GVQW3: variants seen among roughly 807,000 people sequenced by gnomAD.
GVQW3 encodes the protein protein GVQW3.
A neutral mutation model predicts 12.5 loss-of-function variants in GVQW3; 7 were observed. The ratio of observed to expected loss-of-function variants is 0.56; its 90% CI spans 0.32 to 1.05. GVQW3 has a LOEUF of 1.05. Ranked by LOEUF, GVQW3 falls within the 50% of genes least tolerant of loss-of-function variation. The pLI, the probability that GVQW3 is intolerant of heterozygous loss-of-function variation, is 0.04. For missense variants in GVQW3, 188 were observed against 190.8 expected, an observed-to-expected ratio of 0.99 and a Z score of 0.09; for synonymous variants, 71 against 67.2, an observed-to-expected ratio of 1.06 and a Z score of -0.28.
At chr11:76,414,241 A>G (rs1947100256) in exon 2 of GVQW3, 2 of 152,212 alleles carry the variant, frequency 1.3e-5, no homozygotes, top group Middle Eastern at 6.8e-3. Context: ...TTCTTCCTTT[A>G]AGATACCCTC....
rs1011305421 is a variant in GVQW3, at chr11:76,404,933, T to C, written c.*1175T>C. On this transcript the variant is annotated 3_prime_UTR_variant, in exon 2 of 2. Transcript: ENST00000529331. Reference sequence around the variant, plus strand: ...TCTATAGGTTGGGGACTTTAATGAGTGTAAATAGCTACCCTTTATTGAGCA... The same window carrying C: ...TCTATAGGTTGGGGACTTTAATGAGCGTAAATAGCTACCCTTTATTGAGCA... The C allele has an allele frequency of 1.3e-5, 2 of 152,226 alleles. No homozygotes were observed. 9.4% of individuals were successfully genotyped at this position (152,226 alleles called of 1,614,324 possible). A position where few individuals can be genotyped will look rare whatever the true frequency, so the allele number is the denominator to read the frequency against.
chr11:76,397,144 C>T (rs1483801675), intron 1 of GVQW3, among the ~76,000 whole-genome samples: 4 of 151,710 alleles, frequency 2.6e-5, no homozygotes, highest in African/African-American at 9.7e-5. Flanking sequence ...GCTGGGACTA[C>T]AGGTGCGCAC....
chr11:76,402,977 T>A (rs12420744), intron 1 of GVQW3, among the ~76,000 whole-genome samples: 1 of 151,982 alleles, frequency 6.6e-6, no homozygotes, highest in Non-Finnish European at 1.5e-5. Flanking sequence ...AGACAGAGTC[T>A]TACTCTGTCG....
At chr11:76,408,509 T>C (rs1947062130), downstream of GVQW3, 1 of 152,224 alleles carries the variant, frequency 6.6e-6, no homozygotes, top group Non-Finnish European at 1.5e-5. Context: ...GCAGCAGCAG[T>C]TAAACAGTCA....
At chr11:76,387,649 G>C (rs531797701) in intron 1 of GVQW3, among the ~76,000 whole-genome samples, 1 of 152,140 alleles carries the variant, frequency 6.6e-6, no homozygotes, top group Non-Finnish European at 1.5e-5. Context: ...GGCCAGGCAC[G>C]ATGGCTCATG....
At position 76,381,866 on chromosome 11, in the gene GVQW3, A is replaced by C; in HGVS notation, c.38A>C (p.Lys13Thr). Reference sequence around the variant, plus strand: ...TATTTAGAACAAAGGATTAGTATCAAATTTTGCGTGAAATTGAACAAGTCT... The same window carrying C: ...TATTTAGAACAAAGGATTAGTATCACATTTTGCGTGAAATTGAACAAGTCT... ...DRYLEQRISI[K>T]FCVKLNKSAS... Residue 13 changes from lysine to threonine, a missense_variant, in exon 1 of 2, where the codon AAA becomes ACA. Physicochemically the swap from Lys to Thr is moderately conservative, Grantham distance 78. Coordinates refer to ENST00000529331, the MANE Select transcript of GVQW3 (RefSeq NM_001347885.2). 6.5e-7 allele frequency: 1 copy of C among 1,536,092 alleles called. No individual in the cohort carries two copies. Among genetic ancestry groups the C allele is most frequent in the Non-Finnish European group, 8.7e-7 (1 of 1,146,864 alleles).
At chr11:76,394,439 A>G (rs955101436) in intron 1 of GVQW3, among the ~76,000 whole-genome samples, 9 of 152,008 alleles carry the variant, frequency 5.9e-5, no homozygotes, top group Non-Finnish European at 1.5e-5. Context: ...AGAACATGAG[A>G]GGTTTGTCTT....
Position 76,403,993 on chromosome 11 carries a change from C to A in GVQW3, c.*235C>A, listed in dbSNP as rs1312350105. ...CTCTTCATTACTCGGTCTACCAATT[C>A]AAATGCTAATCTCTTCCGGAAACAT... is the stretch of plus-strand genomic sequence containing the variant. On this transcript the variant is annotated 3_prime_UTR_variant, in exon 2 of 2. Transcript: ENST00000529331. The A allele has an allele frequency of 1.5e-6, 1 of 667,820 alleles. No individual in the cohort carries two copies. The highest frequency in any genetic ancestry group is 2.8e-6 in the Non-Finnish European group (1 of 363,326). The allele number at this position is 667,820 out of a possible 1,614,324, so 41.4% of individuals were successfully genotyped here.
downstream of GVQW3, chr11:76,410,989 C>G (rs1183878010): frequency 2.6e-5 from 4 of 152,228 alleles, no homozygotes; most frequent in Non-Finnish European, 5.9e-5. Context: ...GCTACACTGG[C>G]ACCAATTAAA....
chr11:76,408,009 G>T lies in GVQW3; in HGVS notation c.*4251G>T, dbSNP rs1328255141. 6.6e-6 allele frequency: 1 copy of T among 151,882 alleles called. No individual in the cohort carries two copies. The highest frequency in any genetic ancestry group is 1.5e-5 in the Non-Finnish European group (1 of 67,992). The allele number at this position is 151,882 out of a possible 1,614,324, so 9.4% of individuals were successfully genotyped here. A position where few individuals can be genotyped will look rare whatever the true frequency, so the allele number is the denominator to read the frequency against. On this transcript the variant is annotated 3_prime_UTR_variant, in exon 2 of 2. Coordinates refer to ENST00000529331, the MANE Select transcript of GVQW3 (RefSeq NM_001347885.2). ...TTTGATCTGGGTGATGAAATTATAA[G>T]TGATTTTAAACTTGCTTCATTATGC... is the stretch of plus-strand genomic sequence containing the variant.
chr11:76,399,127 T>TGTATTG (rs1296706412), intron 1 of GVQW3, among the ~76,000 whole-genome samples: 9 of 150,968 alleles, frequency 6.0e-5, no homozygotes, highest in African/African-American at 2.2e-4. Context: ...TTTATTTTAT[T>TGTATTG]TCATTTTATT....
intron 1 of GVQW3, among the ~76,000 whole-genome samples, chr11:76,402,479 G>C (rs1437887375): frequency 6.6e-6 from 1 of 151,762 alleles, no homozygotes; most frequent in African/African-American, 2.4e-5. Flanking sequence ...CTTGAACCCA[G>C]GAGGCAGAGG....
chr11:76,382,024 C>CCAGT lies in GVQW3; in HGVS notation c.199_202dup (p.Thr68SerfsTer7), dbSNP rs537008961. ...TCGAGATGATGCCCGAAGTGGGCGT[C>CCAGT]CAGTCACCCACCGAACAGATGACAA... On this transcript the variant is annotated frameshift_variant, in exon 1 of 2. Transcript: ENST00000529331. LOFTEE classifies it high-confidence loss of function. 1.1e-4 allele frequency: 173 copies of CCAGT among 1,536,470 alleles called. 1 individual carries two copies. The African/African-American group carries it at 2.0e-3, about 18-fold the overall frequency.
At chr11:76,391,021 A>G (rs1946886831) in intron 1 of GVQW3, among the ~76,000 whole-genome samples, 1 of 152,130 alleles carries the variant, frequency 6.6e-6, no homozygotes, top group African/African-American at 2.4e-5. Flanking sequence ...TACGTGCCCA[A>G]TAGAGAATAA....
At position 76,404,961 on chromosome 11, in the gene GVQW3, G is replaced by T. The variant is rs1324620387; in HGVS notation, c.*1203G>T. 1 of 152,184 alleles carries T rather than the reference G, an allele frequency of 6.6e-6. No homozygotes were observed. Among genetic ancestry groups the T allele is most frequent in the Non-Finnish European group, 1.5e-5 (1 of 68,034 alleles). 9.4% of individuals were successfully genotyped at this position (152,184 alleles called of 1,614,324 possible). A position where few individuals can be genotyped will look rare whatever the true frequency, so the allele number is the denominator to read the frequency against. ...AAATAGCTACCCTTTATTGAGCATT[G>T]TTTATGTGTGGACACTTTTTATGCA... is the stretch of plus-strand genomic sequence containing the variant. On this transcript the variant is annotated 3_prime_UTR_variant, in exon 2 of 2. Transcript: ENST00000529331.
Position 76,405,216 on chromosome 11 carries a change from C to A in GVQW3, c.*1458C>A, listed in dbSNP as rs1053467014. 6.6e-6 allele frequency: 1 copy of A among 152,186 alleles called. No individual in the cohort carries two copies. Among genetic ancestry groups the A allele is most frequent in the Non-Finnish European group, 1.5e-5 (1 of 68,062 alleles). The allele number at this position is 152,186 out of a possible 1,614,324, so 9.4% of individuals were successfully genotyped here. On this transcript the variant is annotated 3_prime_UTR_variant, in exon 2 of 2. Coordinates refer to ENST00000529331, the MANE Select transcript of GVQW3 (RefSeq NM_001347885.2). ...CTGTTTCATCAGGAAAGCAAAAGCT[C>A]TCCCAGTAACTCCCAGCAGAGTTCT...
intron 1 of GVQW3, among the ~76,000 whole-genome samples, chr11:76,393,259 T>C (rs1222348014): frequency 6.6e-6 from 1 of 152,238 alleles, no homozygotes; most frequent in African/African-American, 2.4e-5. Flanking sequence ...TGACCTCTCC[T>C]GAACAGAATG....
chr11:76,412,094 T>C (rs988207046), downstream of GVQW3: 1 of 152,164 alleles, frequency 6.6e-6, no homozygotes, highest in African/African-American at 2.4e-5. Flanking sequence ...AACTCAACCG[T>C]TGTAAATTAA....
chr11:76,401,256 A>T (rs535214145), intron 1 of GVQW3, among the ~76,000 whole-genome samples: 1 of 151,632 alleles, frequency 6.6e-6, no homozygotes, highest in East Asian at 1.9e-4. Flanking sequence ...TACCCTTCAT[A>T]TCTCTAGTTT....
Sources: allele counts gnomAD v4.1 joint callset (sites outside exome capture counted in the v4.1 genomes callset), GRCh38; gene constraint gnomAD v4.1.1; transcripts MANE v1.5; gene names NCBI Gene and HGNC (gene_info 2026-07-23, HGNC 2026-07-21).